Variants in MREG observed in about 807,000 individuals in gnomAD.
MREG encodes melanoregulin.
In MREG, 31 loss-of-function variants were observed where a neutral mutation model predicts 28.5. The observed-to-expected ratio is 1.09, with a 90% CI of 0.82 to 1.47. The LOEUF is 1.47. Ranked by LOEUF, MREG falls within the 40% of genes most tolerant of loss-of-function variation. The pLI is 0.00. For synonymous variants in MREG, 106 were observed against 95.2 expected (o/e 1.11, Z -0.66); for missense variants, 256 against 257.4 (o/e 0.99, Z 0.04).
At chr2:216,006,248 C>T (rs1049779754) in intron 1 of MREG, among the ~76,000 whole-genome samples, 10 of 152,152 alleles carry the variant, frequency 6.6e-5, no homozygotes, top group South Asian at 2.1e-4. Flanking sequence ...TGTGGCTTGC[C>T]GGGGAAGAAA....
chr2:215,990,177 A>T (rs1693685423), intron 2 of MREG, among the ~76,000 whole-genome samples: 2 of 152,260 alleles, frequency 1.3e-5, no homozygotes, highest in Admixed American at 1.3e-4. Context: ...AGGGAAGACC[A>T]TCAGACTAAC....
At chr2:216,005,488 G>A (rs900901122) in intron 1 of MREG, among the ~76,000 whole-genome samples, 3 of 115,828 alleles carry the variant, frequency 2.6e-5, no homozygotes, top group South Asian at 2.7e-4. Flanking sequence ...TTCTAGCTCT[G>A]TCACCCAGGC....
chr2:215,958,892 C>A (rs1692705675), intron 2 of MREG, among the ~76,000 whole-genome samples: 1 of 152,104 alleles, frequency 6.6e-6, no homozygotes, highest in Non-Finnish European at 1.5e-5. Flanking sequence ...TATTAAGTGC[C>A]CACTGAGTGC....
At chr2:215,948,660 A>C (rs140682037) in intron 2 of MREG, among the ~76,000 whole-genome samples, 1 of 152,326 alleles carries the variant, frequency 6.6e-6, no homozygotes, top group African/African-American at 2.4e-5. Flanking sequence ...TCAGTATAGC[A>C]TATTGGAAAA....
At chr2:215,951,785 C>T (rs544620673) in intron 2 of MREG, among the ~76,000 whole-genome samples, 4 of 152,310 alleles carry the variant, frequency 2.6e-5, no homozygotes, top group African/African-American at 9.6e-5. Context: ...TGTCCTGCCA[C>T]CATCAATGGC....
chr2:215,992,415 G>A (rs1034303158), intron 2 of MREG, among the ~76,000 whole-genome samples: 4 of 151,984 alleles, frequency 2.6e-5, no homozygotes, highest in African/African-American at 7.2e-5. Flanking sequence ...TTGATGGAAC[G>A]TATCTCAAAA....
At chr2:215,999,717 C>T (rs751536762) in intron 1 of MREG, among the ~76,000 whole-genome samples, 9 of 152,126 alleles carry the variant, frequency 5.9e-5, no homozygotes, top group South Asian at 2.1e-4. Flanking sequence ...CATCAGAGAG[C>T]GGGTGACAGC....
At chr2:215,939,880 TTAAAA>T (rs780205372), downstream of MREG, among the ~76,000 whole-genome samples, 13 of 150,904 alleles carry the variant, frequency 8.6e-5, no homozygotes, top group Middle Eastern at 3.4e-3. Flanking sequence ...TTAAAAATGT[TTAAAA>T]TAAATTGCTG....
At chr2:216,011,481 G>A (rs13006614) in intron 1 of MREG, among the ~76,000 whole-genome samples, 100,148 of 152,072 alleles carry the variant, frequency 0.66, 33,168 homozygotes, top group Admixed American at 0.72. Context: ...TTCATCTCTC[G>A]TGGCAAACCT....
chr2:216,005,206 TACA>T (rs978956219), intron 1 of MREG, among the ~76,000 whole-genome samples: 58 of 152,120 alleles, frequency 3.8e-4, no homozygotes, highest in African/African-American at 1.3e-3. Flanking sequence ...CAAGGCTACA[TACA>T]ACAACACGGA....
chr2:216,030,311 G>T (rs1246763119), intron 1 of MREG, among the ~76,000 whole-genome samples: 1 of 152,128 alleles, frequency 6.6e-6, no homozygotes. Flanking sequence ...AGGGGTCGGG[G>T]CTCTGAAGCC....
chr2:216,006,517 T>TA, intron 1 of MREG, among the ~76,000 whole-genome samples: 1 of 152,238 alleles, frequency 6.6e-6, no homozygotes, highest in Non-Finnish European at 1.5e-5. Context: ...GCCCCGGAGC[T>TA]ACCGGCTTTG....
intron 2 of MREG, among the ~76,000 whole-genome samples, chr2:215,961,711 G>A (rs972870661): frequency 9.9e-5 from 15 of 152,118 alleles, no homozygotes; most frequent in African/African-American, 3.4e-4. Context: ...ACAGGCATAA[G>A]CCACCACACC....
upstream of MREG, among the ~76,000 whole-genome samples, chr2:216,018,397 C>A (rs878220): frequency 6.6e-6 from 1 of 152,002 alleles, no homozygotes; most frequent in African/African-American, 2.4e-5. Flanking sequence ...CCTTGCCATA[C>A]GACAACATCT....
At chr2:215,957,751 G>A (rs1692664308) in intron 2 of MREG, among the ~76,000 whole-genome samples, 1 of 152,088 alleles carries the variant, frequency 6.6e-6, no homozygotes, top group African/African-American at 2.4e-5. Context: ...TCAAAAGGAA[G>A]CCTCTCCTTG....
At position 215,945,629 on chromosome 2, in the gene MREG, T is replaced by C; in HGVS notation, c.452A>G (p.Glu151Gly). The C allele has an allele frequency of 6.2e-7, 1 of 1,614,032 alleles. No homozygotes were observed. Residue 151 changes from glutamate (E) to glycine (G), a missense_variant, in exon 4 of 5, where the codon GAA (glutamate) becomes GGA (glycine). Glu to Gly is a moderately conservative substitution (Grantham distance 98, BLOSUM62 -2). Coordinates refer to ENST00000263268, the MANE Select transcript of MREG (RefSeq NM_018000.3). Reference protein sequence around the residue: ...KAREMLLKLAEETNIFPTSWE... With the variant: ...KAREMLLKLAGETNIFPTSWE... ...ACTTGTTGGGAAAATATTGGTTTCT[T>C]CAGCCAGTTTTAACAACATCTCTCG... is the stretch of plus-strand genomic sequence containing the variant.
At chr2:215,972,027 G>T (rs1434831226) in intron 2 of MREG, among the ~76,000 whole-genome samples, 1 of 152,094 alleles carries the variant, frequency 6.6e-6, no homozygotes, top group Non-Finnish European at 1.5e-5. Flanking sequence ...TCATGCCAGG[G>T]ATCACCCCCT....
rs1185254578 is a variant in MREG, at chr2:215,944,136, C to G, written c.*727G>C. ...CTGGGATTACAAGCGCGTGCCATCA[C>G]ACCTGGCTAATTTTTGTATTTTTAG... On this transcript the variant is annotated 3_prime_UTR_variant, in exon 5 of 5. Coordinates refer to ENST00000263268, the MANE Select transcript of MREG (RefSeq NM_018000.3). 6.6e-6 allele frequency: 1 copy of G among 151,884 alleles called. No individual in the cohort carries two copies. Among genetic ancestry groups the G allele is most frequent in the Non-Finnish European group, 1.5e-5 (1 of 68,022 alleles). The allele number at this position is 151,884 out of a possible 1,614,324, so 9.4% of individuals were successfully genotyped here. A position where few individuals can be genotyped will look rare whatever the true frequency, so the allele number is the denominator to read the frequency against.
At chr2:215,964,250 G>C (rs1042913392) in intron 2 of MREG, among the ~76,000 whole-genome samples, 1 of 152,152 alleles carries the variant, frequency 6.6e-6, no homozygotes, top group Admixed American at 6.5e-5. Context: ...TTGGGAGGCA[G>C]AGGCAGGTGG....
Sources: allele counts gnomAD v4.1 joint callset (sites outside exome capture counted in the v4.1 genomes callset), GRCh38; gene constraint gnomAD v4.1.1; transcripts MANE v1.5; gene names NCBI Gene and HGNC (gene_info 2026-07-23, HGNC 2026-07-21).